ASAP1: variants seen among roughly 807,000 people sequenced by gnomAD.
The protein encoded by ASAP1 is arf-GAP with SH3 domain, ANK repeat and PH domain-containing protein 1.
A neutral mutation model predicts 145.2 loss-of-function variants in ASAP1; 43 were observed. That is an observed-to-expected ratio of 0.30 (90% CI 0.23 to 0.38). ASAP1 has a LOEUF of 0.38. Among genes scored for constraint, ASAP1 ranks in the 10% least tolerant of loss-of-function variants. The pLI is 1.00. For synonymous variants in ASAP1, 546 were observed against 515.5 expected (o/e 1.06, Z -0.80); for missense variants, 1,018 against 1,355.3 (o/e 0.75, Z 3.91).
At chr8:130,157,488 C>T (rs1053228941) in intron 12 of ASAP1, among the ~76,000 whole-genome samples, 3 of 152,142 alleles carry the variant, frequency 2.0e-5, no homozygotes, top group Admixed American at 2.0e-4. Context: ...TCTAACTGGT[C>T]TCCTTGTCTC....
intron 5 of ASAP1, among the ~76,000 whole-genome samples, chr8:130,197,192 C>T (rs763851189): frequency 1.1e-4 from 16 of 152,218 alleles, no homozygotes; most frequent in Non-Finnish European, 1.8e-4. Context: ...CTTTGGGAGG[C>T]TGAGGCAGGT....
chr8:130,294,895 G>C (rs17213208), intron 3 of ASAP1, among the ~76,000 whole-genome samples: 1,575 of 152,232 alleles, frequency 0.01, 15 homozygotes, highest in Non-Finnish European at 0.016. Context: ...AACATGTCTG[G>C]AAGTAAAAAA....
rs2097416775 is a variant in ASAP1 at position 130,060,523 on chromosome 8, C to G, written c.3192+56G>C. The G allele has an allele frequency of 7.2e-6, 11 of 1,528,098 alleles. No individual in the cohort carries two copies. The South Asian group carries it at 1.5e-4, about 20-fold the overall frequency. 94.7% of individuals were successfully genotyped at this position (1,528,098 alleles called of 1,614,324 possible). On this transcript the variant is annotated intron_variant, in intron 28 of 29. Transcript: ENST00000518721. ...GTAAGTTGGAGCACCTGCCCTCCCA[C>G]CAACTTGCAAAGTGCGGAATAGGGT...
chr8:130,054,705 G>A lies in ASAP1; in HGVS notation c.*26C>T. On this transcript the variant is annotated 3_prime_UTR_variant, in exon 30 of 30. Transcript: ENST00000518721. ...GGCAGCAGTCTTGCATGAAGGATGT[G>A]GACAATCTTAAGGTTCTGCGTTTTG... 1 of 1,596,322 alleles carries A rather than the reference G, an allele frequency of 6.3e-7. No homozygotes were observed.
At chr8:130,067,635 A>C (rs1160983432) in intron 27 of ASAP1, among the ~76,000 whole-genome samples, 1 of 152,200 alleles carries the variant, frequency 6.6e-6, no homozygotes, top group Non-Finnish European at 1.5e-5. Context: ...TTCTGGACTC[A>C]GGTGATCCTC....
At chr8:130,060,269 A>G (rs373571176) in intron 28 of ASAP1, among the ~76,000 whole-genome samples, 1 of 152,150 alleles carries the variant, frequency 6.6e-6, no homozygotes, top group East Asian at 1.9e-4. Context: ...GTATTTAATC[A>G]TCTGTGAGCT....
At chr8:130,236,019 C>G (rs1818193031) in intron 4 of ASAP1, among the ~76,000 whole-genome samples, 1 of 151,996 alleles carries the variant, frequency 6.6e-6, no homozygotes, top group Non-Finnish European at 1.5e-5. Flanking sequence ...AATGGAGGCT[C>G]AAGAAGGAGA....
chr8:130,107,824 C>T (rs1033321945), intron 24 of ASAP1, among the ~76,000 whole-genome samples: 5 of 152,316 alleles, frequency 3.3e-5, no homozygotes, highest in Middle Eastern at 3.4e-3. Flanking sequence ...GCTGGGATTA[C>T]AGGCATGAGA....
intron 1 of ASAP1, among the ~76,000 whole-genome samples, chr8:130,404,261 C>A (rs1181108737): frequency 6.6e-6 from 1 of 152,196 alleles, no homozygotes; most frequent in Non-Finnish European, 1.5e-5. Flanking sequence ...ATTGAATCTT[C>A]CTGAGCACTG....
intron 3 of ASAP1, among the ~76,000 whole-genome samples, chr8:130,244,836 G>A (rs1002200438): frequency 2.6e-5 from 4 of 152,122 alleles, no homozygotes; most frequent in Admixed American, 1.3e-4. Flanking sequence ...AGGAGAAGAC[G>A]CCCATGGCAT....
At chr8:130,086,545 G>A (rs967533698) in intron 25 of ASAP1, among the ~76,000 whole-genome samples, 5 of 152,124 alleles carry the variant, frequency 3.3e-5, no homozygotes, top group Admixed American at 1.3e-4. Context: ...GGCTCATGCC[G>A]GTAGTCTCCA....
intron 3 of ASAP1, among the ~76,000 whole-genome samples, chr8:130,283,470 C>A (rs1429986314): frequency 6.6e-6 from 1 of 151,558 alleles, no homozygotes; most frequent in African/African-American, 2.4e-5. Flanking sequence ...GTCCCAGCTA[C>A]TCAGGAGGCT....
chr8:130,369,674 C>T (rs1404695969), intron 2 of ASAP1, among the ~76,000 whole-genome samples: 1 of 152,098 alleles, frequency 6.6e-6, no homozygotes. Flanking sequence ...AATGAAATGC[C>T]ACTTTGCACC....
intron 4 of ASAP1, among the ~76,000 whole-genome samples, chr8:130,221,374 C>G (rs1817286197): frequency 6.6e-6 from 1 of 152,166 alleles, no homozygotes; most frequent in Admixed American, 6.5e-5. Context: ...GTTTCCCCTA[C>G]CTCCTTTCTA....
chr8:130,155,599 G>T (rs548369046), intron 12 of ASAP1, among the ~76,000 whole-genome samples: 2 of 152,150 alleles, frequency 1.3e-5, no homozygotes, highest in Non-Finnish European at 2.9e-5. Flanking sequence ...TGCCGGCCTC[G>T]GCCTCCTAAA....
chr8:130,226,256 G>T (rs373890283), intron 4 of ASAP1, among the ~76,000 whole-genome samples: 1 of 151,938 alleles, frequency 6.6e-6, no homozygotes, highest in Non-Finnish European at 1.5e-5. Context: ...CCTGTGACCC[G>T]GAAAATAATT....
chr8:130,084,593 G>C (rs2097488697), intron 25 of ASAP1: 1 of 152,162 alleles, frequency 6.6e-6, no homozygotes, highest in African/African-American at 2.4e-5. Context: ...GTTGCTACAG[G>C]AGTATTCTGG....
At chr8:130,227,109 T>C (rs1344456310) in intron 4 of ASAP1, among the ~76,000 whole-genome samples, 1 of 152,222 alleles carries the variant, frequency 6.6e-6, no homozygotes, top group Non-Finnish European at 1.5e-5. Flanking sequence ...GGTACCACCT[T>C]TAAGTCCTTC....
rs200682369 is a variant in ASAP1, at chr8:130,060,909, A to C, written c.2862T>G (p.Asp954Glu). The change falls in exon 28 of 30, where the codon GAT (aspartate) becomes GAG (glutamate). Residue 954 changes from aspartate (D) to glutamate (E), a missense_variant. Physicochemically the swap from Asp to Glu is conservative, Grantham distance 45. Transcript: ENST00000518721. ...TELAPKPQIGDLPPKPGELPP... is the reference protein window; with the variant it reads ...TELAPKPQIGELPPKPGELPP... ...GCAGTTCTCCTGGCTTAGGCGGCAAATCTCCAATTTGGGGCTTGGGGGCCA... is the reference window on the plus strand; with the variant it reads ...GCAGTTCTCCTGGCTTAGGCGGCAACTCTCCAATTTGGGGCTTGGGGGCCA... 13 of 1,611,372 alleles carry C rather than the reference A, an allele frequency of 8.1e-6. No homozygotes were observed. The East Asian group carries it at 2.7e-4, about 33-fold the overall frequency.
Sources: gnomAD v4.1 joint callset for allele counts (sites outside exome capture counted in the v4.1 genomes callset) on GRCh38, gnomAD v4.1.1 for gene constraint, MANE v1.5 for transcripts, NCBI Gene and HGNC (gene_info 2026-07-23, HGNC 2026-07-21) for gene names.